The following KCNIP1 variants were observed in gnomAD, a reference collection of about 807,000 sequenced individuals.
KCNIP1 encodes A-type potassium channel modulatory protein KCNIP1.
Under a neutral mutation model 33.0 loss-of-function variants are expected in KCNIP1, and 18 were observed. That is an observed-to-expected ratio of 0.55 (90% CI 0.38 to 0.81). The LOEUF (loss-of-function observed/expected upper bound fraction) is 0.81, where lower values mean the gene tolerates loss of function less well. KCNIP1 is among the 30% of genes least tolerant of loss of function. KCNIP1 has a pLI of 0.00. For synonymous variants in KCNIP1, 93 were observed against 98.3 expected (o/e 0.95, Z 0.32); for missense variants, 238 against 271.6 (o/e 0.88, Z 0.87).
At chr5:170,633,582 G>A (rs1561731029) in intron 1 of KCNIP1, among the ~76,000 whole-genome samples, 1 of 149,556 alleles carries the variant, frequency 6.7e-6, no homozygotes, top group South Asian at 2.2e-4. Flanking sequence ...AGAGGAATGT[G>A]CCTGGATGTG....
At chr5:170,667,277 A>C (rs1761739837) in intron 1 of KCNIP1, among the ~76,000 whole-genome samples, 2 of 150,762 alleles carry the variant, frequency 1.3e-5, no homozygotes, top group East Asian at 3.9e-4. Flanking sequence ...GTGCCATTGC[A>C]CTCCAGCCTG....
chr5:170,523,816 A>G (rs1241338517), intron 1 of KCNIP1, among the ~76,000 whole-genome samples: 2 of 151,530 alleles, frequency 1.3e-5, no homozygotes, highest in Non-Finnish European at 2.9e-5. Context: ...TTCTCCTCCT[A>G]CCCCAGTCTG....
In KCNIP1 at chr5:170,558,776, G is replaced by C. The variant is rs575668944; in HGVS notation, c.61+54143G>C. Among the ~76,000 whole-genome samples, 76 of 152,340 alleles carry C rather than the reference G, an allele frequency of 5.0e-4. 1 individual carries two copies. The highest frequency in any genetic ancestry group is 3.3e-3 in the South Asian group (16 of 4,834). ...GAAAAGCACAAACAGAAATCCTTAA[G>C]AGCATCAGCCGTGACACAGAAATCT... On this transcript the variant is annotated intron_variant, in intron 1 of 7. Transcript: ENST00000328939.
intron 1 of KCNIP1, among the ~76,000 whole-genome samples, chr5:170,663,132 G>A (rs1761562359): frequency 6.6e-6 from 1 of 152,176 alleles, no homozygotes; most frequent in Non-Finnish European, 1.5e-5. Flanking sequence ...TGTTGGTTCT[G>A]ATCCTCTCAA....
At chr5:170,592,745 A>G (rs751125063) in intron 1 of KCNIP1, among the ~76,000 whole-genome samples, 1 of 152,186 alleles carries the variant, frequency 6.6e-6, no homozygotes, top group Non-Finnish European at 1.5e-5. Context: ...TCTTCTGCAA[A>G]ATGGGGAGAG....
At chr5:170,470,996 T>C (rs775529330) in intron 1 of KCNIP1, among the ~76,000 whole-genome samples, 1 of 152,256 alleles carries the variant, frequency 6.6e-6, no homozygotes, top group African/African-American at 2.4e-5. Context: ...GTTGAGATGT[T>C]ATCTTTAGTT....
intron 1 of KCNIP1, among the ~76,000 whole-genome samples, chr5:170,452,997 C>G (rs767937350): frequency 6.6e-5 from 10 of 152,284 alleles, no homozygotes; most frequent in Non-Finnish European, 1.2e-4. Flanking sequence ...TCTTGAGGAA[C>G]AGGATTATTA....
At chr5:170,551,996 C>T (rs369171840) in intron 1 of KCNIP1, among the ~76,000 whole-genome samples, 8 of 147,988 alleles carry the variant, frequency 5.4e-5, no homozygotes, top group East Asian at 2.0e-4. Context: ...GTGTTGTGTG[C>T]GTATGTGTGT....
At chr5:170,382,554 A>T (rs1561595621) in intron 1 of KCNIP1, 1 of 151,636 alleles carries the variant, frequency 6.6e-6, no homozygotes, top group Non-Finnish European at 1.5e-5. Context: ...TCCCTCCGCC[A>T]TGCCTCGTCC....
At chr5:170,730,851 A>C (rs1251465647) in intron 5 of KCNIP1, among the ~76,000 whole-genome samples, 1 of 150,504 alleles carries the variant, frequency 6.6e-6, no homozygotes, top group African/African-American at 2.4e-5. Flanking sequence ...AAAAAAAAAA[A>C]CTGCAGGAGT....
chr5:170,563,203 C>T (rs529868359), intron 1 of KCNIP1, among the ~76,000 whole-genome samples: 4 of 152,204 alleles, frequency 2.6e-5, no homozygotes, highest in Admixed American at 6.5e-5. Context: ...ATTTGGCAGG[C>T]GCTGCTGCTC....
chr5:170,406,933 C>T (rs1755052941), intron 1 of KCNIP1, among the ~76,000 whole-genome samples: 1 of 152,240 alleles, frequency 6.6e-6, no homozygotes, highest in African/African-American at 2.4e-5. Context: ...GATGTGGGGG[C>T]ATCAGCTTCC....
intron 1 of KCNIP1, among the ~76,000 whole-genome samples, chr5:170,698,396 G>T (rs1762972380): frequency 6.6e-6 from 1 of 152,198 alleles, no homozygotes; most frequent in African/African-American, 2.4e-5. Context: ...TTGGCATCAA[G>T]CAGACCTGTA....
intron 1 of KCNIP1, among the ~76,000 whole-genome samples, chr5:170,660,363 G>T (rs1175702007): frequency 7.4e-6 from 1 of 134,490 alleles, no homozygotes; most frequent in Admixed American, 7.0e-5. Context: ...AAAGGAGAAT[G>T]ATTTTTATAA....
intron 1 of KCNIP1, among the ~76,000 whole-genome samples, chr5:170,690,796 C>T (rs1398884137): frequency 1.3e-5 from 2 of 152,230 alleles, no homozygotes. Context: ...CCTTTAAAGA[C>T]CACCTGTGGG....
At chr5:170,508,750 T>A (rs767484939) in intron 1 of KCNIP1, among the ~76,000 whole-genome samples, 1 of 152,220 alleles carries the variant, frequency 6.6e-6, no homozygotes, top group African/African-American at 2.4e-5. Context: ...TCCACCGACA[T>A]TCCAAGACCT....
intron 1 of KCNIP1, among the ~76,000 whole-genome samples, chr5:170,529,335 G>GA (rs1187842328): frequency 6.6e-6 from 1 of 152,148 alleles, no homozygotes; most frequent in African/African-American, 2.4e-5. Context: ...ATAGTTCCAG[G>GA]AAAAGTCCCA....
rs543584340 is a variant in KCNIP1, at chr5:170,599,817, A to G, written c.61+95184A>G. On this transcript the variant is annotated intron_variant, in intron 1 of 7. Coordinates refer to ENST00000328939, the MANE Select transcript of KCNIP1 (RefSeq NM_014592.4). ...TTGACTTATGGGAGGTATTTCAGTG[A>G]GGACAAAAGAGGACTTAGTCAAACA... Among the ~76,000 whole-genome samples the G allele has an allele frequency of 9.8e-4, 149 of 152,350 alleles. 1 individual carries two copies. Among genetic ancestry groups the G allele is most frequent in the African/African-American group, 3.3e-3 (136 of 41,582 alleles).
intron 1 of KCNIP1, among the ~76,000 whole-genome samples, chr5:170,549,354 A>T (rs1756522895): frequency 6.6e-6 from 1 of 152,204 alleles, no homozygotes. Flanking sequence ...CAGTTTCGTT[A>T]TATGGAAGTA....
Sources: gnomAD v4.1 joint callset for allele counts (sites outside exome capture counted in the v4.1 genomes callset) on GRCh38, gnomAD v4.1.1 for gene constraint, MANE v1.5 for transcripts, NCBI Gene and HGNC (gene_info 2026-07-23, HGNC 2026-07-21) for gene names.